Variants in HIF3A observed in about 807,000 individuals in gnomAD.
HIF3A encodes hypoxia-inducible factor 3-alpha.
HIF3A carries 41 observed loss-of-function variants against 67.2 expected under a neutral mutation model. That is an observed-to-expected ratio of 0.61 (90% CI 0.48 to 0.79). The LOEUF (loss-of-function observed/expected upper bound fraction) is 0.79. Among genes scored for constraint, HIF3A ranks in the 30% least tolerant of loss-of-function variants. The probability of loss-of-function intolerance (pLI) is 0.00; values close to 1 mark genes in which losing one functional copy is unlikely to be tolerated. For synonymous variants in HIF3A, 356 were observed against 374.8 expected (o/e 0.95, Z 0.58); for missense variants, 855 against 898.0 (o/e 0.95, Z 0.61).
intron 14 of HIF3A, among the ~76,000 whole-genome samples, chr19:46,336,117 A>G (rs1179625075): frequency 5.5e-5 from 6 of 109,592 alleles, no homozygotes; most frequent in African/African-American, 1.1e-4. Flanking sequence ...TTTTTGAGAC[A>G]GAGTCTCGCT....
In HIF3A at chr19:46,321,932, C is replaced by T. The variant is rs547700433; in HGVS notation, c.1301C>T (p.Pro434Leu). ...GASVAATPST[P>L]LATRHPQSPL... The stretch of plus-strand genomic sequence containing the variant: ...TCAGTAGCAGCCACTCCCAGCACCC[C>T]GCTGGCCACACGGCACCCCCAAAGT... Residue 434 changes from proline (P) to leucine (L), a missense_variant, in exon 10 of 15, where the codon CCG becomes CTG. Around this residue, in one of 3 missense-constraint regions of HIF3A, gnomAD observed 638 missense variants for 660.5 expected, o/e 0.97. Coordinates refer to ENST00000377670, the MANE Select transcript of HIF3A (RefSeq NM_152795.4). 7.4e-6 allele frequency: 12 copies of T among 1,614,036 alleles called. No individual in the cohort carries two copies. Among genetic ancestry groups the T allele is most frequent in the African/African-American group, 1.3e-5 (1 of 75,056 alleles).
chr19:46,313,662 C>T (rs566060842), intron 8 of HIF3A, among the ~76,000 whole-genome samples: 232 of 103,646 alleles, frequency 2.2e-3, no homozygotes, highest in African/African-American at 7.3e-3. Context: ...ACAATTACCA[C>T]GATTTTTTTT....
intron 10 of HIF3A, 152 bp from the exon 11 acceptor site, chr19:46,325,383 T>C (rs1970705773): frequency 1.6e-6 from 1 of 632,672 alleles, no homozygotes; most frequent in South Asian, 1.8e-5. Flanking sequence ...ACACCCAGGT[T>C]CAAAACTCAT....
At chr19:46,305,021 T>A in intron 2 of HIF3A, 1 of 677,180 alleles carries the variant, frequency 1.5e-6, no homozygotes, top group South Asian at 1.5e-5. Flanking sequence ...TCCTACTTCC[T>A]TAGAATTCTG....
At chr19:46,316,940 A>T (rs1333617620) in intron 8 of HIF3A, among the ~76,000 whole-genome samples, 1 of 152,100 alleles carries the variant, frequency 6.6e-6, no homozygotes, top group Non-Finnish European at 1.5e-5. Context: ...CAACATATAC[A>T]TATGTATATA....
intron 3 of HIF3A, among the ~76,000 whole-genome samples, chr19:46,306,216 C>G (rs1968836835): frequency 6.6e-6 from 1 of 152,306 alleles, no homozygotes; most frequent in South Asian, 2.1e-4. Flanking sequence ...TCTTTATCTC[C>G]AGGGCCCCGG....
intron 1 of HIF3A, among the ~76,000 whole-genome samples, chr19:46,301,130 G>T (rs771747793): frequency 6.6e-6 from 1 of 152,150 alleles, no homozygotes. Context: ...AGGAGGGGAC[G>T]GGGACAGGGG....
At chr19:46,334,155 G>A (rs544947414) in intron 13 of HIF3A, among the ~76,000 whole-genome samples, 27 of 151,672 alleles carry the variant, frequency 1.8e-4, no homozygotes, top group African/African-American at 5.8e-4. Context: ...GCAGTGGCAC[G>A]ATCTTGGCTC....
At position 46,298,887 on chromosome 19, in the gene HIF3A, CG is replaced by C. The variant is rs1466051957; in HGVS notation, c.26+1786del. Among the ~76,000 whole-genome samples the C allele has an allele frequency of 2.1e-5, 3 of 143,104 alleles. No individual in the cohort carries two copies. In the South Asian group the frequency reaches 7.3e-4, roughly 35 times the overall value. The allele number at this position is 143,104 out of a possible 152,430, so 93.9% of individuals were successfully genotyped here. A position where few individuals can be genotyped will look rare whatever the true frequency, so the allele number is the denominator to read the frequency against. ...CAAATCCTCTGTGCTTTTCGTAAGACGCCCCCCCCCAATACCCAGCTGGGTG... is the reference window on the plus strand; with the variant it reads ...CAAATCCTCTGTGCTTTTCGTAAGACCCCCCCCCCAATACCCAGCTGGGTG... On this transcript the variant is annotated intron_variant, in intron 1 of 14. Transcript: ENST00000377670.
chr19:46,324,931 CATATATATATACAT>C (rs1260535913), intron 10 of HIF3A, among the ~76,000 whole-genome samples: 5 of 140,270 alleles, frequency 3.6e-5, no homozygotes, highest in African/African-American at 7.8e-5. Flanking sequence ...TATATATACA[CATATATATATACAT>C]ATATATATAT....
chr19:46,329,117 A>G, intron 11 of HIF3A, 90 bp from the exon 12 acceptor site: 1 of 1,267,220 alleles, frequency 7.9e-7, no homozygotes, highest in East Asian at 2.4e-5. Context: ...GACCACAGGC[A>G]CAGAACTCAG....
Position 46,309,293 on chromosome 19 carries a change from C to CA in HIF3A, c.705dup (p.Leu236ThrfsTer20). 1 of 1,613,466 alleles carries CA rather than the reference C, an allele frequency of 6.2e-7. No individual in the cohort carries two copies. The highest frequency in any genetic ancestry group is 8.5e-7 in the Non-Finnish European group (1 of 1,179,802). ...CCCCACCCAGGCAGCCTGGAGCCCC[C>CA]ACTGGGCCGAGGGGCCTTCCTCAGC... On this transcript the variant is annotated frameshift_variant, in exon 6 of 15. Transcript: ENST00000377670. LOFTEE classifies it high-confidence loss of function.
chr19:46,304,442 C>T (rs575457556), intron 2 of HIF3A, among the ~76,000 whole-genome samples: 1 of 152,256 alleles, frequency 6.6e-6, no homozygotes, highest in South Asian at 2.1e-4. Flanking sequence ...ATGGATAGGC[C>T]CTGGTCTCTC....
chr19:46,328,391 G>A (rs1037034341), intron 11 of HIF3A, among the ~76,000 whole-genome samples: 1 of 152,164 alleles, frequency 6.6e-6, no homozygotes, highest in Non-Finnish European at 1.5e-5. Flanking sequence ...AAACCTTCAA[G>A]TACTATCTCC....
chr19:46,321,739 C>G (rs369984715), intron 9 of HIF3A, 37 bp from the exon 10 acceptor site: 1 of 1,591,068 alleles, frequency 6.3e-7, no homozygotes, highest in Non-Finnish European at 8.6e-7. Flanking sequence ...CCCTCAGTCA[C>G]CAGCCCGTGT....
rs150696693 is a variant in HIF3A, at chr19:46,315,767, A to C, written c.1025+3114A>C. On this transcript the variant is annotated intron_variant, in intron 8 of 14. Coordinates refer to ENST00000377670, the MANE Select transcript of HIF3A (RefSeq NM_152795.4). ...CGTCTCCACTGAAAATACAAAAATT[A>C]GCCAGGTGTGGTAGCACATGCTTGT... is the stretch of plus-strand genomic sequence containing the variant. Among the ~76,000 whole-genome samples the C allele has an allele frequency of 2.9e-3, 448 of 152,120 alleles. 1 individual carries two copies. Among genetic ancestry groups the C allele is most frequent in the Non-Finnish European group, 5.1e-3 (350 of 68,008 alleles).
At chr19:46,313,106 C>A in intron 8 of HIF3A, 3 of 645,486 alleles carry the variant, frequency 4.6e-6, no homozygotes, top group Non-Finnish European at 5.8e-6. Flanking sequence ...CAAAAATTAG[C>A]CGGGTGTGGT....
intron 8 of HIF3A, chr19:46,313,274 CAAAA>C (rs897305691): frequency 6.6e-6 from 5 of 756,052 alleles, no homozygotes; most frequent in Admixed American, 7.9e-5. Flanking sequence ...AACAAACAAA[CAAAA>C]GGACTCTATA....
rs1473178926 is a variant in HIF3A at position 46,308,323 on chromosome 19, C to T, written c.448+18C>T. ...CCAGCAGAGTGAGTTCCCTGGAGGC[C>T]TCTGTCCCCACCATACAGAGGAGGA... On this transcript the variant is annotated intron_variant, in intron 4 of 14. Coordinates refer to ENST00000377670, the MANE Select transcript of HIF3A (RefSeq NM_152795.4). 5 of 1,537,920 alleles carry T rather than the reference C, an allele frequency of 3.3e-6. No homozygotes were observed. The highest frequency in any genetic ancestry group is 1.4e-5 in the African/African-American group (1 of 73,376).
Sources: gnomAD v4.1 joint callset for allele counts (sites outside exome capture counted in the v4.1 genomes callset) on GRCh38, gnomAD v4.1.1 for gene constraint, gnomAD v4.1.1 regional missense constraint, MANE v1.5 for transcripts, NCBI Gene and HGNC (gene_info 2026-07-23, HGNC 2026-07-21) for gene names.